MITF: variants seen among roughly 807,000 people sequenced by gnomAD.
MITF encodes microphthalmia-associated transcription factor.
Under a neutral mutation model 60.5 loss-of-function variants are expected in MITF, and 17 were observed. That is an observed-to-expected ratio of 0.28 (90% CI 0.19 to 0.42). MITF has a LOEUF of 0.42. Ranked by LOEUF, MITF falls within the 10% of genes least tolerant of loss-of-function variation. The pLI is 1.00. For missense variants in MITF, 622 were observed against 683.5 expected, an observed-to-expected ratio of 0.91 and a Z score of 1.00; for synonymous variants, 260 against 248.5, an observed-to-expected ratio of 1.05 and a Z score of -0.43.
rs1210036200 is a variant in MITF, at chr3:69,931,094, C to T, written c.355-6728C>T. 2.0e-5 allele frequency among the ~76,000 whole-genome samples: 3 copies of T among 152,172 alleles called. No homozygotes were observed. In the East Asian group the frequency reaches 5.8e-4, roughly 29 times the overall value. On this transcript the variant is annotated intron_variant, in intron 2 of 9. Transcript: ENST00000352241. Reference sequence around the variant, plus strand: ...ACTTTTATTTTATGTGGTTATTCCACATATCTTTCTTACTTTTACTTTGAA... The same window carrying T: ...ACTTTTATTTTATGTGGTTATTCCATATATCTTTCTTACTTTTACTTTGAA...
chr3:69,931,519 G>C (rs1354871275), intron 2 of MITF, among the ~76,000 whole-genome samples: 1 of 152,138 alleles, frequency 6.6e-6, no homozygotes, highest in Non-Finnish European at 1.5e-5. Flanking sequence ...TAAAAGACTT[G>C]CTGGGAATTT....
intron 1 of MITF, among the ~76,000 whole-genome samples, chr3:69,876,695 G>A (rs1205983597): frequency 6.6e-6 from 1 of 152,136 alleles, no homozygotes; most frequent in East Asian, 1.9e-4. Flanking sequence ...AAACATGAAG[G>A]AAAGAGGGTT....
At chr3:69,916,449 A>G (rs1454045977) in intron 2 of MITF, among the ~76,000 whole-genome samples, 1 of 152,206 alleles carries the variant, frequency 6.6e-6, no homozygotes, top group African/African-American at 2.4e-5. Flanking sequence ...TACTTGATTT[A>G]TACCTTTCCT....
In MITF at chr3:69,919,645, T is replaced by A. The variant is rs144761053; in HGVS notation, c.355-18177T>A. ...AGCACAATGTGCCTCTTGCCCCATC[T>A]CTGAGAGCATTTGGCACACTTCTAT... On this transcript the variant is annotated intron_variant, in intron 2 of 9. Coordinates refer to ENST00000352241, the MANE Select transcript of MITF (RefSeq NM_001354604.2). Among the ~76,000 whole-genome samples, 734 of 152,298 alleles carry A rather than the reference T, an allele frequency of 4.8e-3. 7 individuals are homozygous for A. Among genetic ancestry groups the A allele is most frequent in the Middle Eastern group, 0.014 (4 of 294 alleles).
At position 69,966,841 on chromosome 3, in the gene MITF, A is replaced by G. The variant is rs944316389; in HGVS notation, c.*1593A>G. 1 of 232,772 alleles carries G rather than the reference A, an allele frequency of 4.3e-6. No individual in the cohort carries two copies. The highest frequency in any genetic ancestry group is 8.5e-6 in the Non-Finnish European group (1 of 117,568). 14.4% of individuals were successfully genotyped at this position (232,772 alleles called of 1,614,324 possible). ...ATCCATTCAGAATGAAGTGCCTTAA[A>G]TATAGCAGTAGTCTTTTTTGGACTA... On this transcript the variant is annotated 3_prime_UTR_variant, in exon 10 of 10. Transcript: ENST00000352241.
At chr3:69,791,189 T>C (rs2062734411) in intron 1 of MITF, among the ~76,000 whole-genome samples, 2 of 152,198 alleles carry the variant, frequency 1.3e-5, no homozygotes, top group Admixed American at 6.5e-5. Flanking sequence ...TTTTGAAGGG[T>C]CTAAAGCCAG....
At chr3:69,855,653 T>C (rs1315009867) in intron 1 of MITF, among the ~76,000 whole-genome samples, 1 of 152,104 alleles carries the variant, frequency 6.6e-6, no homozygotes, top group Admixed American at 6.5e-5. Context: ...ATATAGCTAA[T>C]ACTGGGGGAA....
At chr3:69,886,072 T>A (rs2064609592) in intron 2 of MITF, among the ~76,000 whole-genome samples, 2 of 152,100 alleles carry the variant, frequency 1.3e-5, no homozygotes, top group African/African-American at 4.8e-5. Flanking sequence ...TGAACTCATA[T>A]AGTTGAACTC....
intron 1 of MITF, among the ~76,000 whole-genome samples, chr3:69,869,167 C>A (rs1055501220): frequency 1.6e-4 from 24 of 152,260 alleles, no homozygotes; most frequent in African/African-American, 5.3e-4. Context: ...GAGACAGACA[C>A]CAACTTTACT....
At position 69,879,128 on chromosome 3, in the gene MITF, C is replaced by A. The variant is rs758163287; in HGVS notation, c.105-6C>A. 3 of 1,613,994 alleles carry A rather than the reference C, an allele frequency of 1.9e-6. No individual in the cohort carries two copies. The highest frequency in any genetic ancestry group is 2.5e-6 in the Non-Finnish European group (3 of 1,179,922). On this transcript the variant is annotated splice_polypyrimidine_tract_variant and splice_region_variant and intron_variant, in intron 1 of 9. Coordinates refer to ENST00000352241, the MANE Select transcript of MITF (RefSeq NM_001354604.2). ...AAATGTTGTATGCATTTTGGTTTTC[C>A]CACAGCAGTTCCGCCGAGCATCCTG...
chr3:69,877,040 G>C (rs903173138), intron 1 of MITF, among the ~76,000 whole-genome samples: 4 of 152,238 alleles, frequency 2.6e-5, no homozygotes, highest in African/African-American at 9.6e-5. Context: ...TTGGATACAT[G>C]CATATACCAC....
intron 1 of MITF, among the ~76,000 whole-genome samples, chr3:69,789,765 C>T (rs932117920): frequency 2.0e-5 from 3 of 151,958 alleles, no homozygotes; most frequent in South Asian, 2.1e-4. Flanking sequence ...CTGAGGCGTG[C>T]GAATTGCTTG....
intron 1 of MITF, among the ~76,000 whole-genome samples, chr3:69,829,816 GAAGT>G (rs1234791755): frequency 1.3e-5 from 2 of 152,118 alleles, no homozygotes; most frequent in African/African-American, 2.4e-5. Flanking sequence ...TGAGCTGATG[GAAGT>G]AAGTCCCAGG....
At chr3:69,940,315 A>G (rs2065939924) in intron 4 of MITF, among the ~76,000 whole-genome samples, 1 of 152,158 alleles carries the variant, frequency 6.6e-6, no homozygotes, top group South Asian at 2.1e-4. Flanking sequence ...TAGTTCTGTG[A>G]TTTCATTGTG....
At chr3:69,756,346 A>G (rs1444848740) in intron 1 of MITF, among the ~76,000 whole-genome samples, 1 of 151,896 alleles carries the variant, frequency 6.6e-6, no homozygotes, top group Non-Finnish European at 1.5e-5. Context: ...ATGTGTTCTC[A>G]TTGTTCAACT....
chr3:69,909,099 C>T (rs1289185653), intron 2 of MITF, among the ~76,000 whole-genome samples: 2 of 151,972 alleles, frequency 1.3e-5, no homozygotes, highest in East Asian at 1.9e-4. Flanking sequence ...CCAGAATTCC[C>T]ACATGTTGTG....
intron 2 of MITF, among the ~76,000 whole-genome samples, chr3:69,936,225 G>A (rs925384744): frequency 6.6e-6 from 1 of 151,988 alleles, no homozygotes; most frequent in Non-Finnish European, 1.5e-5. Context: ...GCAGTTATTC[G>A]GCCATTGGAA....
intron 1 of MITF, among the ~76,000 whole-genome samples, chr3:69,869,871 G>T (rs533208639): frequency 6.6e-6 from 1 of 152,154 alleles, no homozygotes; most frequent in East Asian, 1.9e-4. Flanking sequence ...CTGCTCGTAT[G>T]ACTCACTTCA....
At chr3:69,763,679 C>A in intron 1 of MITF, 1 of 1,276,094 alleles carries the variant, frequency 7.8e-7, no homozygotes, top group Non-Finnish European at 1.0e-6. Flanking sequence ...CGCCAAAGGG[C>A]CAAGGCAGCC....
Sources: gnomAD v4.1 joint callset for allele counts (sites outside exome capture counted in the v4.1 genomes callset) on GRCh38, gnomAD v4.1.1 for gene constraint, MANE v1.5 for transcripts, NCBI Gene and HGNC (gene_info 2026-07-23, HGNC 2026-07-21) for gene names.